Variants in STXBP5L observed in about 807,000 individuals in gnomAD.
STXBP5L encodes syntaxin-binding protein 5-like.
A neutral mutation model predicts 144.5 loss-of-function variants in STXBP5L; 65 were observed. The ratio of observed to expected loss-of-function variants is 0.45; its 90% CI spans 0.37 to 0.55. The LOEUF is 0.55. STXBP5L is among the 20% of genes least tolerant of loss of function. The pLI is 0.00. For synonymous variants in STXBP5L, 505 were observed against 469.6 expected (o/e 1.08, Z -0.97); for missense variants, 1,298 against 1,405.5 (o/e 0.92, Z 1.22).
chr3:121,149,323 ATC>A (rs201261879), intron 7 of STXBP5L, among the ~76,000 whole-genome samples: 7 of 151,280 alleles, frequency 4.6e-5, no homozygotes, highest in Non-Finnish European at 1.0e-4. Context: ...ACTTCTTTAA[ATC>A]TCTCTCTCTC....
chr3:121,283,916 T>C (rs1265475414), intron 19 of STXBP5L, among the ~76,000 whole-genome samples: 1 of 151,836 alleles, frequency 6.6e-6, no homozygotes, highest in East Asian at 1.9e-4. Flanking sequence ...TGTGTGTGTG[T>C]GTGTGTGTGT....
At chr3:121,318,819 C>T (rs1398706985) in intron 20 of STXBP5L, among the ~76,000 whole-genome samples, 2 of 152,078 alleles carry the variant, frequency 1.3e-5, no homozygotes, top group Admixed American at 1.3e-4. Context: ...ATTAATAATG[C>T]TTACTAAGTA....
chr3:121,342,749 T>C (rs200424804), intron 20 of STXBP5L, among the ~76,000 whole-genome samples: 1 of 148,210 alleles, frequency 6.7e-6, no homozygotes, highest in South Asian at 2.2e-4. Flanking sequence ...TCTATCATTG[T>C]TGGACATTTG....
At chr3:121,394,775 T>G (rs2046686483) in intron 22 of STXBP5L, among the ~76,000 whole-genome samples, 1 of 152,016 alleles carries the variant, frequency 6.6e-6, no homozygotes, top group Non-Finnish European at 1.5e-5. Flanking sequence ...TGGCTAATTT[T>G]TTGCATTTTT....
intron 17 of STXBP5L, among the ~76,000 whole-genome samples, chr3:121,257,990 C>A (rs2108383310): frequency 6.6e-6 from 1 of 152,048 alleles, no homozygotes; most frequent in South Asian, 2.1e-4. Context: ...TTCTTGGAAT[C>A]AAAAAGAAAA....
intron 3 of STXBP5L, among the ~76,000 whole-genome samples, chr3:121,020,968 T>G (rs185585489): frequency 6.6e-6 from 1 of 151,934 alleles, no homozygotes; most frequent in South Asian, 2.1e-4. Flanking sequence ...TTGAAAGATA[T>G]AGAGTGGCAA....
intron 9 of STXBP5L, among the ~76,000 whole-genome samples, chr3:121,200,809 A>C (rs1167852394): frequency 6.6e-6 from 1 of 152,254 alleles, no homozygotes; most frequent in East Asian, 1.9e-4. Context: ...GAATTTCTTA[A>C]TCCTGAGTTC....
chr3:121,212,287 C>G (rs2048605479), intron 10 of STXBP5L, among the ~76,000 whole-genome samples: 1 of 152,130 alleles, frequency 6.6e-6, no homozygotes, highest in African/African-American at 2.4e-5. Flanking sequence ...GAAGTGTTTG[C>G]CCATGCCTAC....
At chr3:121,370,319 C>T (rs755870564) in intron 20 of STXBP5L, among the ~76,000 whole-genome samples, 1 of 152,098 alleles carries the variant, frequency 6.6e-6, no homozygotes. Context: ...GGTGAGCTGA[C>T]ATTACACCAC....
intron 5 of STXBP5L, among the ~76,000 whole-genome samples, chr3:121,089,813 T>A (rs2042690626): frequency 6.6e-6 from 1 of 152,062 alleles, no homozygotes; most frequent in Admixed American, 6.6e-5. Context: ...TATTATTACA[T>A]CCTCTAGGCC....
rs1473442764 is a variant in STXBP5L, at chr3:121,193,266, A to G, written c.878-12657A>G. Among the ~76,000 whole-genome samples, 2 of 143,344 alleles carry G rather than the reference A, an allele frequency of 1.4e-5. 1 individual carries two copies. The highest frequency in any genetic ancestry group is 5.1e-5 in the African/African-American group (2 of 38,880). 94.0% of individuals were successfully genotyped at this position (143,344 alleles called of 152,430 possible). ...TCAGAGAAATGCAAATCAAAACCAC[A>G]GTGAGATATCGTCTCACACCAGTTA... is the stretch of plus-strand genomic sequence containing the variant. On this transcript the variant is annotated intron_variant, in intron 9 of 26. Coordinates refer to ENST00000471454, the MANE Select transcript of STXBP5L (RefSeq NM_001308330.2).
chr3:121,280,323 C>G (rs551037129), intron 19 of STXBP5L, among the ~76,000 whole-genome samples: 3 of 151,868 alleles, frequency 2.0e-5, no homozygotes, highest in Admixed American at 1.3e-4. Context: ...GGTTAACTTT[C>G]TTCTAAAATA....
chr3:121,043,018 G>A (rs1408617108), intron 4 of STXBP5L, among the ~76,000 whole-genome samples: 1 of 151,750 alleles, frequency 6.6e-6, no homozygotes, highest in Admixed American at 6.6e-5. Flanking sequence ...TTGTTTCCAT[G>A]TGATTTGTAC....
intron 3 of STXBP5L, among the ~76,000 whole-genome samples, chr3:121,016,733 T>C (rs1418620767): frequency 6.6e-6 from 1 of 152,194 alleles, no homozygotes; most frequent in Non-Finnish European, 1.5e-5. Flanking sequence ...CAAACTCACA[T>C]GAGGACAGAT....
intron 22 of STXBP5L, among the ~76,000 whole-genome samples, chr3:121,389,913 A>G (rs1434417695): frequency 6.6e-6 from 1 of 152,186 alleles, no homozygotes; most frequent in Admixed American, 6.5e-5. Flanking sequence ...TGCTTGTTGC[A>G]GAGCTGAGTT....
intron 20 of STXBP5L, among the ~76,000 whole-genome samples, chr3:121,351,870 A>G (rs370450771): frequency 1.4e-3 from 213 of 152,258 alleles, no homozygotes; most frequent in Non-Finnish European, 2.5e-3. Flanking sequence ...ATAAGGTGTA[A>G]GTAAGGGATC....
chr3:121,345,321 C>A (rs1215007453), intron 20 of STXBP5L, among the ~76,000 whole-genome samples: 1 of 152,034 alleles, frequency 6.6e-6, no homozygotes, highest in Non-Finnish European at 1.5e-5. Context: ...CATCCATGTC[C>A]CTGCAAAGGA....
intron 20 of STXBP5L, among the ~76,000 whole-genome samples, chr3:121,348,831 A>G (rs192724230): frequency 1.3e-3 from 201 of 151,860 alleles, no homozygotes; most frequent in African/African-American, 3.6e-3. Context: ...TATTGCATCT[A>G]TTTGATTCTT....
intron 5 of STXBP5L, among the ~76,000 whole-genome samples, chr3:121,069,089 C>A (rs2041687498): frequency 6.6e-6 from 1 of 152,088 alleles, no homozygotes; most frequent in Non-Finnish European, 1.5e-5. Flanking sequence ...AATCAAGACA[C>A]AAAATGGTTC....
Sources: gnomAD v4.1 joint callset for allele counts (sites outside exome capture counted in the v4.1 genomes callset) on GRCh38, gnomAD v4.1.1 for gene constraint, MANE v1.5 for transcripts, NCBI Gene and HGNC (gene_info 2026-07-23, HGNC 2026-07-21) for gene names.